CEP128: variants seen among roughly 807,000 people sequenced by gnomAD.
The protein encoded by CEP128 is centrosomal protein 128kDa.
A neutral mutation model predicts 156.7 loss-of-function variants in CEP128; 132 were observed. That is an observed-to-expected ratio of 0.84 (90% CI 0.73 to 0.97). The LOEUF (loss-of-function observed/expected upper bound fraction) is 0.97, where lower values mean the gene tolerates loss of function less well. CEP128 is among the 50% of genes least tolerant of loss of function. The pLI, the probability that CEP128 is intolerant of heterozygous loss-of-function variation, is 0.00. For synonymous variants in CEP128, 469 were observed against 448.9 expected, an observed-to-expected ratio of 1.04 and a Z score of -0.57; for missense variants, 1,252 against 1,281.9, an observed-to-expected ratio of 0.98 and a Z score of 0.36.
At chr14:80,655,975 T>C (rs567097030) in intron 19 of CEP128, among the ~76,000 whole-genome samples, 3 of 151,966 alleles carry the variant, frequency 2.0e-5, no homozygotes, top group Non-Finnish European at 4.4e-5. Flanking sequence ...AGTGACCTAC[T>C]AATAAGACCT....
intron 20 of CEP128, among the ~76,000 whole-genome samples, chr14:80,570,648 T>C (rs554063725): frequency 6.6e-6 from 1 of 152,264 alleles, no homozygotes; most frequent in East Asian, 1.9e-4. Flanking sequence ...TGTGTGTGTG[T>C]ATTTTTTCTA....
At chr14:80,848,368 GAAAATT>G (rs1212498456) in intron 9 of CEP128, among the ~76,000 whole-genome samples, 11 of 152,074 alleles carry the variant, frequency 7.2e-5, no homozygotes, top group Non-Finnish European at 1.6e-4. Context: ...AACAACAATA[GAAAATT>G]AGGGGTTGGG....
intron 19 of CEP128, among the ~76,000 whole-genome samples, chr14:80,611,037 G>T (rs1040658193): frequency 6.6e-6 from 1 of 152,010 alleles, no homozygotes; most frequent in Non-Finnish European, 1.5e-5. Context: ...AAAAATAGGA[G>T]CATGCAACAG....
At chr14:80,851,801 A>G (rs554623197) in intron 9 of CEP128, among the ~76,000 whole-genome samples, 1 of 152,154 alleles carries the variant, frequency 6.6e-6, no homozygotes, top group East Asian at 1.9e-4. Context: ...TGGAAATACT[A>G]AGGAAAGATT....
intron 19 of CEP128, among the ~76,000 whole-genome samples, chr14:80,659,135 C>A (rs896228048): frequency 1.3e-5 from 2 of 152,062 alleles, no homozygotes; most frequent in African/African-American, 2.4e-5. Flanking sequence ...AAGTGGCAAA[C>A]CTTTTACCAG....
chr14:80,726,486 T>G (rs964585251), intron 19 of CEP128, among the ~76,000 whole-genome samples: 4 of 152,210 alleles, frequency 2.6e-5, no homozygotes, highest in Admixed American at 1.3e-4. Context: ...TATGTAAATT[T>G]TTGTGTAAAT....
intron 20 of CEP128, 125 bp from the exon 21 acceptor site, chr14:80,559,427 A>T (rs964987023): frequency 6.7e-6 from 5 of 741,750 alleles, no homozygotes; most frequent in Non-Finnish European, 8.5e-6. Context: ...AATGTAAAAA[A>T]TGAGAACTAT....
intron 19 of CEP128, among the ~76,000 whole-genome samples, chr14:80,615,676 C>T (rs1269981465): frequency 6.6e-6 from 1 of 152,124 alleles, no homozygotes; most frequent in Non-Finnish European, 1.5e-5. Flanking sequence ...TAATGAAACC[C>T]CATCTCTACT....
At chr14:80,946,019 A>G (rs1308266195), upstream of CEP128, among the ~76,000 whole-genome samples, 1 of 152,194 alleles carries the variant, frequency 6.6e-6, no homozygotes, top group Non-Finnish European at 1.5e-5. Context: ...CCTATCAGCA[A>G]TGTTACTTCA....
chr14:80,819,538 A>G (rs1595452249), intron 13 of CEP128, among the ~76,000 whole-genome samples: 1 of 151,946 alleles, frequency 6.6e-6, no homozygotes, highest in Admixed American at 6.6e-5. Flanking sequence ...GAGCCACTGC[A>G]CCCAGCCTCT....
At chr14:80,738,687 T>C (rs1898657675) in intron 19 of CEP128, among the ~76,000 whole-genome samples, 1 of 152,136 alleles carries the variant, frequency 6.6e-6, no homozygotes. Context: ...TATATTGTTA[T>C]AATTGTTCTA....
chr14:80,667,761 G>C (rs1197234419), intron 19 of CEP128, among the ~76,000 whole-genome samples: 1 of 150,786 alleles, frequency 6.6e-6, no homozygotes, highest in East Asian at 2.0e-4. Context: ...GGGAGGCTGA[G>C]GCAGGAGAAT....
At chr14:80,711,566 C>T (rs566723052) in intron 19 of CEP128, among the ~76,000 whole-genome samples, 1 of 152,100 alleles carries the variant, frequency 6.6e-6, no homozygotes, top group South Asian at 2.1e-4. Flanking sequence ...CTGGAAAGAG[C>T]AGTGTGGGGG....
chr14:80,644,338 T>C (rs1894548209), intron 19 of CEP128, among the ~76,000 whole-genome samples: 1 of 152,198 alleles, frequency 6.6e-6, no homozygotes, highest in South Asian at 2.1e-4. Flanking sequence ...ATATGCACAT[T>C]GGAGATAAAC....
chr14:80,802,835 A>G (rs752033018), intron 13 of CEP128, among the ~76,000 whole-genome samples: 1 of 152,200 alleles, frequency 6.6e-6, no homozygotes, highest in Non-Finnish European at 1.5e-5. Flanking sequence ...AGGATATTAA[A>G]TATTATGGCA....
intron 4 of CEP128, among the ~76,000 whole-genome samples, chr14:80,912,977 T>C (rs1594838739): frequency 6.6e-6 from 1 of 152,114 alleles, no homozygotes; most frequent in South Asian, 2.1e-4. Flanking sequence ...TTCCAAGAGT[T>C]TACAGGACAG....
intron 23 of CEP128, among the ~76,000 whole-genome samples, chr14:80,508,205 C>T (rs1038859818): frequency 8.5e-5 from 13 of 152,294 alleles, no homozygotes; most frequent in Non-Finnish European, 1.5e-4. Context: ...CGTGAGCCAC[C>T]GCGCCTGGCC....
At chr14:80,653,972 A>T (rs2140863970) in intron 19 of CEP128, among the ~76,000 whole-genome samples, 1 of 152,240 alleles carries the variant, frequency 6.6e-6, no homozygotes, top group African/African-American at 2.4e-5. Flanking sequence ...GTGTGTATCC[A>T]TTGCTACTCA....
intron 19 of CEP128, among the ~76,000 whole-genome samples, chr14:80,677,189 C>A (rs1025537971): frequency 5.3e-5 from 8 of 152,084 alleles, no homozygotes; most frequent in Non-Finnish European, 1.0e-4. Context: ...GTCTTCATAA[C>A]CTGTGTCTTA....
Sources: gnomAD v4.1 joint callset for allele counts (sites outside exome capture counted in the v4.1 genomes callset) on GRCh38, gnomAD v4.1.1 for gene constraint, MANE v1.5 for transcripts, NCBI Gene and HGNC (gene_info 2026-07-23, HGNC 2026-07-21) for gene names.